KAT8: variants seen among roughly 807,000 people sequenced by gnomAD.
The protein encoded by KAT8 is histone acetyltransferase KAT8.
A neutral mutation model predicts 62.9 loss-of-function variants in KAT8; 40 were observed. The observed-to-expected ratio is 0.64, with a 90% CI of 0.49 to 0.83. KAT8 has a LOEUF of 0.83. KAT8 is among the 40% of genes least tolerant of loss of function. The pLI is 0.00. For missense variants in KAT8, 387 were observed against 614.8 expected, an observed-to-expected ratio of 0.63 and a Z score of 3.92; for synonymous variants, 278 against 254.5, an observed-to-expected ratio of 1.09 and a Z score of -0.88.
intron 3 of KAT8, chr16:31,120,743 C>T: frequency 6.2e-6 from 3 of 486,508 alleles, no homozygotes; most frequent in Admixed American, 7.1e-5. Flanking sequence ...ACAGCTGGGA[C>T]TAGAACTCAG....
intron 3 of KAT8, among the ~76,000 whole-genome samples, chr16:31,125,367 T>C (rs1367216527): frequency 2.0e-5 from 3 of 151,582 alleles, no homozygotes; most frequent in Admixed American, 6.6e-5. Context: ...ACTTTGGGAG[T>C]GCGAGGCTGG....
At chr16:31,118,333 A>G (rs1468680694) in intron 1 of KAT8, 2 of 156,662 alleles carry the variant, frequency 1.3e-5, no homozygotes, top group Admixed American at 6.5e-5. Flanking sequence ...TTTCAAAATT[A>G]ACCCCAAACT....
intron 1 of KAT8, chr16:31,118,368 G>A (rs1344801989): frequency 6.5e-6 from 1 of 153,164 alleles, no homozygotes; most frequent in African/African-American, 2.4e-5. Flanking sequence ...TCATTTTTGT[G>A]ACCTCTCCAG....
At chr16:31,129,011 A>C (rs1223552976) in intron 6 of KAT8, among the ~76,000 whole-genome samples, 1 of 152,218 alleles carries the variant, frequency 6.6e-6, no homozygotes, top group South Asian at 2.1e-4. Context: ...AGGGTGGCTC[A>C]TGTTGCCTTG....
In KAT8 at chr16:31,117,816, C is replaced by A. The variant is rs777037520; in HGVS notation, c.135C>A (p.Thr45=). The change falls in exon 1 of 11, where the codon ACC becomes ACA. Residue 45 remains threonine, a synonymous_variant. Coordinates refer to ENST00000219797, the MANE Select transcript of KAT8 (RefSeq NM_032188.3). ...CCCCGGGCCGCGTCTCTCCGCCGAC[C>A]CCGGCGCGCGGCGAGCCGGAAGTCA... The part of the protein sequence containing the change: ...APSPGRVSPP[T]PARGEPEVTV... The A allele has an allele frequency of 5.6e-6, 8 of 1,436,304 alleles. No homozygotes were observed. The South Asian group carries it at 9.7e-5, about 17-fold the overall frequency. 89.0% of individuals were successfully genotyped at this position (1,436,304 alleles called of 1,614,324 possible). A position where few individuals can be genotyped will look rare whatever the true frequency, so the allele number is the denominator to read the frequency against.
chr16:31,117,943 G>T (rs1025913948), intron 1 of KAT8, 51 bp downstream of exon 1: 31 of 1,222,482 alleles, frequency 2.5e-5, no homozygotes, highest in East Asian at 3.2e-5. Context: ...GGGCCAGGGG[G>T]TGGGGCGGGG....
At chr16:31,121,790 T>C (rs1365219103) in intron 3 of KAT8, among the ~76,000 whole-genome samples, 1 of 152,048 alleles carries the variant, frequency 6.6e-6, no homozygotes, top group Non-Finnish European at 1.5e-5. Flanking sequence ...TCTTACTCTA[T>C]CGTCTAGGCT....
chr16:31,119,203 G>A, intron 1 of KAT8, among the ~76,000 whole-genome samples: 1 of 152,150 alleles, frequency 6.6e-6, no homozygotes, highest in Non-Finnish European at 1.5e-5. Flanking sequence ...AGGCTGGAGT[G>A]CAGTGGCGCC....
At chr16:31,131,366 G>C (rs2057578760), downstream of KAT8, 1 of 1,308,968 alleles carries the variant, frequency 7.6e-7, no homozygotes, top group African/African-American at 1.5e-5. Context: ...GGTGGCCCTG[G>C]ACTTTGGAGG....
chr16:31,128,060 A>C lies in KAT8; in HGVS notation c.692A>C (p.Gln231Pro), dbSNP rs2057546571. ...CTTGTCCCCGACCAGGGTCAGTGCC[A>C]GTGGCGGCAGCCCCCCGGGAAAGAG... Reference protein sequence around the residue: ...KSYRFHLGQCQWRQPPGKEIY... With the variant: ...KSYRFHLGQCPWRQPPGKEIY... Residue 231 changes from glutamine (Q) to proline (P), a missense_variant, in exon 6 of 11, where the codon CAG becomes CCG. Around this residue, in one of 6 missense-constraint regions of KAT8, gnomAD observed 141 missense variants for 222.5 expected, o/e 0.63. Transcript: ENST00000219797. The C allele has an allele frequency of 6.2e-7, 1 of 1,613,710 alleles. No homozygotes were observed. The highest frequency in any genetic ancestry group is 1.7e-5 in the Admixed American group (1 of 60,014).
chr16:31,127,007 C>T (rs2057536321), intron 3 of KAT8, 28 bp from the exon 4 acceptor site: 1 of 1,613,838 alleles, frequency 6.2e-7, no homozygotes. Flanking sequence ...TTCTGTTCAC[C>T]TCTGCCCACT....
chr16:31,128,043 C>G lies in KAT8; in HGVS notation c.682-7C>G. On this transcript the variant is annotated splice_polypyrimidine_tract_variant and splice_region_variant and intron_variant, in intron 5 of 10. Transcript: ENST00000219797. ...GGCAGCGAACCTGTTCTCTTGTCCC[C>G]GACCAGGGTCAGTGCCAGTGGCGGC... 2 of 1,612,832 alleles carry G rather than the reference C, an allele frequency of 1.2e-6. No individual in the cohort carries two copies. The highest frequency in any genetic ancestry group is 1.7e-6 in the Non-Finnish European group (2 of 1,178,914).
Position 31,130,367 on chromosome 16 carries a change from G to C in KAT8, c.1006+7G>C. The C allele has an allele frequency of 1.2e-6, 2 of 1,614,210 alleles. No individual in the cohort carries two copies. The highest frequency in any genetic ancestry group is 1.7e-6 in the Non-Finnish European group (2 of 1,180,020). On this transcript the variant is annotated splice_region_variant and intron_variant, in intron 8 of 10. Coordinates refer to ENST00000219797, the MANE Select transcript of KAT8 (RefSeq NM_032188.3). ...AAGTTCCTCATCGCTTTCAGTGAGT[G>C]GTTCCTGGCCTGTCTGGGAGGGGGA...
intron 6 of KAT8, 64 bp downstream of exon 6, chr16:31,128,203 C>T (rs2143988911): frequency 1.6e-6 from 2 of 1,262,380 alleles, no homozygotes; most frequent in Non-Finnish European, 2.3e-6. Context: ...AGATGATCCT[C>T]ATCACCACCA....
At position 31,127,350 on chromosome 16, in the gene KAT8, C is replaced by T; in HGVS notation, c.678C>T (p.His226=). The T allele has an allele frequency of 6.2e-7, 1 of 1,614,084 alleles. No individual in the cohort carries two copies. Among genetic ancestry groups the T allele is most frequent in the Non-Finnish European group, 8.5e-7 (1 of 1,180,004 alleles). The change falls in exon 5 of 11, where the codon CAC becomes CAT. Residue 226 remains histidine, a synonymous_variant. Coordinates refer to ENST00000219797, the MANE Select transcript of KAT8 (RefSeq NM_032188.3). ...AATATGAGAAGAGCTACCGCTTCCA[C>T]TTGGTGAGGCTGGGCCGGCCGGGCC... is the stretch of plus-strand genomic sequence containing the variant. The part of the protein sequence containing the change: ...YMKYEKSYRF[H]LGQCQWRQPP...
rs548441601 is a variant in KAT8 at position 31,127,982 on chromosome 16, G to C, written c.682-68G>C. On this transcript the variant is annotated intron_variant, in intron 5 of 10. Coordinates refer to ENST00000219797, the MANE Select transcript of KAT8 (RefSeq NM_032188.3). ...GCAGAGACTTGCTCCAAAGCATGCA[G>C]TGGTGGGTTGGGTGCCTCCTAGCAG... 3 of 1,097,530 alleles carry C rather than the reference G, an allele frequency of 2.7e-6. No individual in the cohort carries two copies. The East Asian group carries it at 7.1e-5, about 26-fold the overall frequency. 68.0% of individuals were successfully genotyped at this position (1,097,530 alleles called of 1,614,324 possible). A position where few individuals can be genotyped will look rare whatever the true frequency, so the allele number is the denominator to read the frequency against.
intron 3 of KAT8, chr16:31,123,847 C>T (rs1471113803): frequency 6.6e-6 from 1 of 152,150 alleles, no homozygotes; most frequent in Admixed American, 6.5e-5. Flanking sequence ...TGACAAGTGG[C>T]TACTTTATTG....
intron 5 of KAT8, among the ~76,000 whole-genome samples, chr16:31,127,561 C>T (rs2057542062): frequency 6.6e-6 from 1 of 152,198 alleles, no homozygotes; most frequent in Non-Finnish European, 1.5e-5. Flanking sequence ...CAACTTCAGA[C>T]CTCAGCTCCT....
rs891593166 is a variant in KAT8 at position 31,130,257 on chromosome 16, C to T, written c.913-10C>T. 3 of 1,613,684 alleles carry T rather than the reference C, an allele frequency of 1.9e-6. No individual in the cohort carries two copies. Among genetic ancestry groups the T allele is most frequent in the Non-Finnish European group, 2.5e-6 (3 of 1,179,706 alleles). On this transcript the variant is annotated splice_polypyrimidine_tract_variant and intron_variant, in intron 7 of 10. Coordinates refer to ENST00000219797, the MANE Select transcript of KAT8 (RefSeq NM_032188.3). Reference sequence around the variant, plus strand: ...CCTCCCCAGCGGCCCTGAGCACCTGCCTCCTGCAGGAGAAGGAGTCCCCGG... The same window carrying T: ...CCTCCCCAGCGGCCCTGAGCACCTGTCTCCTGCAGGAGAAGGAGTCCCCGG...
Sources: allele counts gnomAD v4.1 joint callset (sites outside exome capture counted in the v4.1 genomes callset), GRCh38; gene constraint gnomAD v4.1.1; regional missense constraint gnomAD v4.1.1; transcripts MANE v1.5; gene names NCBI Gene and HGNC (gene_info 2026-07-23, HGNC 2026-07-21).